Variants in PPP6C observed in about 807,000 individuals in gnomAD.
PPP6C encodes the protein protein phosphatase 6 catalytic subunit.
Under a neutral mutation model 39.8 loss-of-function variants are expected in PPP6C, and 11 were observed. The observed-to-expected ratio is 0.28, with a 90% CI of 0.17 to 0.46. The LOEUF is 0.46. Ranked by LOEUF, PPP6C falls within the 20% of genes least tolerant of loss-of-function variation. PPP6C has a pLI of 1.00. For synonymous variants in PPP6C, 129 were observed against 130.3 expected (o/e 0.99, Z 0.07); for missense variants, 211 against 373.9 (o/e 0.56, Z 3.59).
intron 6 of PPP6C, chr9:125,151,389 T>C: frequency 1.0e-6 from 1 of 995,194 alleles, no homozygotes; most frequent in Non-Finnish European, 1.6e-6. Flanking sequence ...ACTCACAGAA[T>C]CTTCTCTGGT....
At chr9:125,150,401 G>C (rs962422941) in intron 6 of PPP6C, among the ~76,000 whole-genome samples, 1 of 148,612 alleles carries the variant, frequency 6.7e-6, no homozygotes, top group Admixed American at 6.8e-5. Flanking sequence ...TATGATGCTG[G>C]AGCACTTCCC....
At chr9:125,159,806 G>A (rs991029439) in intron 3 of PPP6C, among the ~76,000 whole-genome samples, 3 of 152,280 alleles carry the variant, frequency 2.0e-5, no homozygotes, top group South Asian at 2.1e-4. Flanking sequence ...GGCGGATCAC[G>A]AGTTCAAGAG....
At chr9:125,155,773 C>T (rs900217341) in intron 4 of PPP6C, among the ~76,000 whole-genome samples, 3 of 151,794 alleles carry the variant, frequency 2.0e-5, no homozygotes, top group African/African-American at 7.3e-5. Context: ...GGCATGGTGG[C>T]GGGCGCCTGT....
intron 1 of PPP6C, among the ~76,000 whole-genome samples, chr9:125,179,302 C>A (rs1829374441): frequency 6.6e-6 from 1 of 152,000 alleles, no homozygotes; most frequent in Non-Finnish European, 1.5e-5. Context: ...GTACATGGAT[C>A]ATCATCTCAT....
At chr9:125,157,031 T>C (rs10986585) in intron 4 of PPP6C, among the ~76,000 whole-genome samples, 2,304 of 152,160 alleles carry the variant, frequency 0.015, 108 homozygotes, top group Admixed American at 0.083. Context: ...GCACAACGTG[T>C]CGGTCTTTTA....
chr9:125,178,409 T>C (rs1829349786), intron 1 of PPP6C, among the ~76,000 whole-genome samples: 1 of 150,680 alleles, frequency 6.6e-6, no homozygotes, highest in Non-Finnish European at 1.5e-5. Flanking sequence ...ACACGGAAGG[T>C]AGAGCATCTT....
At chr9:125,150,020 C>G in intron 6 of PPP6C, 99 bp from the exon 7 acceptor site, 2 of 1,403,242 alleles carry the variant, frequency 1.4e-6, no homozygotes, top group Non-Finnish European at 1.9e-6. Flanking sequence ...CTACTAAAGG[C>G]ATCAAGATTA....
At chr9:125,172,212 CCTT>C (rs951540973) in intron 1 of PPP6C, among the ~76,000 whole-genome samples, 8 of 152,050 alleles carry the variant, frequency 5.3e-5, no homozygotes, top group African/African-American at 1.7e-4. Flanking sequence ...ATTTATATAA[CCTT>C]CTTTTTTTCC....
Position 125,186,938 on chromosome 9 carries a change from CTTTTT to C in PPP6C, c.75+2701_75+2705del, listed in dbSNP as rs1168730026. On this transcript the variant is annotated intron_variant, in intron 1 of 6. Transcript: ENST00000373547. The stretch of plus-strand genomic sequence containing the variant: ...AAAGAAGTCCAACAGATTTTTCTTT[CTTTTT>C]TTTTTTTTTTTTTTTTTTGGTGAGA... 3.7e-3 allele frequency among the ~76,000 whole-genome samples: 308 copies of C among 83,672 alleles called. 1 individual carries two copies. The highest frequency in any genetic ancestry group is 5.7e-3 in the Non-Finnish European group (263 of 45,834). The allele number at this position is 83,672 out of a possible 152,430, so 54.9% of individuals were successfully genotyped here.
At position 125,153,582 on chromosome 9, in the gene PPP6C, A is replaced by T; in HGVS notation, c.620T>A (p.Ile207Asn). 6.2e-7 allele frequency: 1 copy of T among 1,614,174 alleles called. No individual in the cohort carries two copies. The highest frequency in any genetic ancestry group is 8.5e-7 in the Non-Finnish European group (1 of 1,180,032). The change falls in exon 6 of 7, where the codon ATC becomes AAC. Residue 207 changes from isoleucine to asparagine, a missense_variant. Physicochemically the swap from Ile to Asn is moderately radical, Grantham distance 149. Coordinates refer to ENST00000373547, the MANE Select transcript of PPP6C (RefSeq NM_002721.5). ...AAGCCAACCTGCTCCTCGGGGACTG[A>T]TAGCCCAGGTATCCACATCTTCAGG... ...SDPEDVDTWA[I>N]SPRGAGWLFG...
At chr9:125,163,396 T>C (rs1309637673) in intron 2 of PPP6C, among the ~76,000 whole-genome samples, 2 of 152,212 alleles carry the variant, frequency 1.3e-5, no homozygotes, top group African/African-American at 4.8e-5. Context: ...TGAGTATCCT[T>C]AAACTTTTCT....
intron 2 of PPP6C, among the ~76,000 whole-genome samples, chr9:125,170,268 G>C (rs937597879): frequency 4.6e-4 from 69 of 149,046 alleles, no homozygotes; most frequent in Non-Finnish European, 8.9e-4. Flanking sequence ...ACAGAGTCTT[G>C]CTCTGTTGCC....
intron 1 of PPP6C, among the ~76,000 whole-genome samples, chr9:125,172,507 C>T (rs979306963): frequency 2.6e-5 from 4 of 152,050 alleles, no homozygotes; most frequent in African/African-American, 7.2e-5. Context: ...TGCACTCGGC[C>T]GTGTTTACAC....
intron 4 of PPP6C, among the ~76,000 whole-genome samples, chr9:125,156,493 C>T (rs1186807492): frequency 1.3e-5 from 2 of 152,104 alleles, no homozygotes; most frequent in Non-Finnish European, 2.9e-5. Context: ...AAGATGGTCT[C>T]GATCTCCTGA....
chr9:125,150,624 G>C (rs749675363), intron 6 of PPP6C: 10 of 936,820 alleles, frequency 1.1e-5, no homozygotes, highest in Non-Finnish European at 1.4e-5. Flanking sequence ...ACTTAGTGAA[G>C]AGTGCTTAGG....
intron 1 of PPP6C, among the ~76,000 whole-genome samples, chr9:125,185,273 C>T (rs1315252178): frequency 6.7e-6 from 1 of 148,646 alleles, no homozygotes; most frequent in Non-Finnish European, 1.5e-5. Context: ...GAGACAGGGT[C>T]TCGCTCTGTT....
At chr9:125,188,533 A>C (rs1424189069) in intron 1 of PPP6C, among the ~76,000 whole-genome samples, 4 of 151,450 alleles carry the variant, frequency 2.6e-5, no homozygotes, top group African/African-American at 9.7e-5. Flanking sequence ...CGCCTGTAAT[A>C]CCAGCACTTT....
At chr9:125,179,198 A>G (rs555584469) in intron 1 of PPP6C, among the ~76,000 whole-genome samples, 1 of 135,040 alleles carries the variant, frequency 7.4e-6, no homozygotes, top group Admixed American at 7.8e-5. Context: ...CTAAGCAACA[A>G]GAGCGAAACT....
chr9:125,175,888 C>T (rs1365832705), intron 1 of PPP6C, among the ~76,000 whole-genome samples: 2 of 152,048 alleles, frequency 1.3e-5, no homozygotes, highest in Admixed American at 6.6e-5. Flanking sequence ...GCTCTGCTCT[C>T]AAGGGGCTTA....
Sources: gnomAD v4.1 joint callset for allele counts (sites outside exome capture counted in the v4.1 genomes callset) on GRCh38, gnomAD v4.1.1 for gene constraint, MANE v1.5 for transcripts, NCBI Gene and HGNC (gene_info 2026-07-23, HGNC 2026-07-21) for gene names.